The following SGCZ variants were observed in gnomAD, a reference collection of about 807,000 sequenced individuals.
SGCZ encodes zeta-sarcoglycan.
SGCZ carries 40 observed loss-of-function variants against 41.3 expected under a neutral mutation model. That is an observed-to-expected ratio of 0.97 (90% CI 0.75 to 1.26). SGCZ has a LOEUF of 1.26. Among genes scored for constraint, SGCZ ranks in the 50% most tolerant of loss-of-function variants. The pLI is 0.00. For missense variants in SGCZ, 552 were observed against 369.8 expected (o/e 1.49, Z -4.04); for synonymous variants, 206 against 137.5 (o/e 1.50, Z -3.49).
At chr8:14,771,347 A>G (rs1800229911) in intron 1 of SGCZ, among the ~76,000 whole-genome samples, 1 of 152,176 alleles carries the variant, frequency 6.6e-6, no homozygotes, top group Admixed American at 6.5e-5. Context: ...AAAATCACAT[A>G]GGATATTTGA....
intron 2 of SGCZ, among the ~76,000 whole-genome samples, chr8:14,520,018 A>T (rs940187304): frequency 3.9e-5 from 6 of 152,178 alleles, no homozygotes; most frequent in Admixed American, 6.6e-5. Flanking sequence ...ACTTTTTTTT[A>T]AAAATGATAT....
intron 1 of SGCZ, among the ~76,000 whole-genome samples, chr8:15,067,612 T>A (rs576033948): frequency 1.3e-5 from 2 of 151,512 alleles, no homozygotes; most frequent in East Asian, 3.9e-4. Flanking sequence ...AAACTTTTTA[T>A]ATTTGTACCA....
At chr8:14,097,002 A>G (rs1001793996) in intron 7 of SGCZ, among the ~76,000 whole-genome samples, 1 of 150,922 alleles carries the variant, frequency 6.6e-6, no homozygotes, top group Admixed American at 6.6e-5. Context: ...TTCCTTCTTT[A>G]TTAGTCTGGC....
rs530280809 is a variant in SGCZ, at chr8:15,098,137, G to C, written c.39+139448C>G. Among the ~76,000 whole-genome samples, 101 of 151,020 alleles carry C rather than the reference G, an allele frequency of 6.7e-4. 1 individual carries two copies. Among genetic ancestry groups the C allele is most frequent in the Non-Finnish European group, 1.6e-4 (11 of 67,806 alleles). On this transcript the variant is annotated intron_variant, in intron 1 of 7. Transcript: ENST00000382080. The stretch of plus-strand genomic sequence containing the variant: ...AGTAACAGCCCCACATTAAAAAGCA[G>C]AGCAGGAAAGGAGGTAAGAAAACAG...
chr8:14,613,447 T>G (rs1022225614), intron 1 of SGCZ, among the ~76,000 whole-genome samples: 3 of 152,162 alleles, frequency 2.0e-5, no homozygotes, highest in Non-Finnish European at 4.4e-5. Flanking sequence ...CATGCTCTTT[T>G]GGGACCATGA....
intron 1 of SGCZ, among the ~76,000 whole-genome samples, chr8:14,649,626 C>T (rs1331407204): frequency 1.3e-5 from 2 of 151,996 alleles, no homozygotes; most frequent in East Asian, 1.9e-4. Flanking sequence ...CTGTCGAAAG[C>T]TCAGCTCGTT....
chr8:14,745,693 CAT>C lies in SGCZ; in HGVS notation c.40-190769_40-190768del, dbSNP rs200418646. Among the ~76,000 whole-genome samples the C allele has an allele frequency of 5.5e-3, 829 of 151,266 alleles. 4 individuals are homozygous for C. Among genetic ancestry groups the C allele is most frequent in the Middle Eastern group, 0.014 (4 of 290 alleles). Reference sequence around the variant, plus strand: ...TATACGTATCTATATACATACATGCCATATATATATATGGTATGAAATTTAAC... The same window carrying C: ...TATACGTATCTATATACATACATGCCATATATATATGGTATGAAATTTAAC... On this transcript the variant is annotated intron_variant, in intron 1 of 7. Transcript: ENST00000382080.
intron 1 of SGCZ, among the ~76,000 whole-genome samples, chr8:14,994,410 C>A (rs1281598795): frequency 1.3e-5 from 2 of 152,092 alleles, no homozygotes; most frequent in African/African-American, 4.8e-5. Context: ...ACGGTGAAAC[C>A]CTGTCTCTAC....
At chr8:14,278,336 A>C (rs1800305691) in intron 3 of SGCZ, among the ~76,000 whole-genome samples, 1 of 152,144 alleles carries the variant, frequency 6.6e-6, no homozygotes, top group Non-Finnish European at 1.5e-5. Flanking sequence ...TCTGTATATT[A>C]TATAACATTT....
chr8:14,957,441 T>C (rs1800826397), intron 1 of SGCZ, among the ~76,000 whole-genome samples: 1 of 152,036 alleles, frequency 6.6e-6, no homozygotes, highest in Admixed American at 6.6e-5. Context: ...TTTCCATTCG[T>C]TGTCACTTGG....
chr8:14,112,449 C>T (rs1802405378), intron 5 of SGCZ, among the ~76,000 whole-genome samples: 1 of 151,938 alleles, frequency 6.6e-6, no homozygotes, highest in Admixed American at 6.6e-5. Flanking sequence ...TTTTCAGGTC[C>T]AGGGATATTT....
intron 2 of SGCZ, among the ~76,000 whole-genome samples, chr8:14,452,983 A>G (rs1301477925): frequency 6.6e-6 from 1 of 151,992 alleles, no homozygotes; most frequent in Non-Finnish European, 1.5e-5. Context: ...CACACCTGTA[A>G]TCCCAGCTAC....
At chr8:14,134,025 G>C (rs1205964971) in intron 5 of SGCZ, among the ~76,000 whole-genome samples, 4 of 152,116 alleles carry the variant, frequency 2.6e-5, no homozygotes, top group African/African-American at 9.7e-5. Context: ...ATATGCATCA[G>C]AATATGATAG....
At chr8:14,986,568 C>G (rs754060923) in intron 1 of SGCZ, among the ~76,000 whole-genome samples, 5 of 151,980 alleles carry the variant, frequency 3.3e-5, no homozygotes, top group Non-Finnish European at 7.4e-5. Flanking sequence ...AGGTAGAAAT[C>G]TGAAATAGTA....
At chr8:14,705,009 A>G (rs865928960) in intron 1 of SGCZ, among the ~76,000 whole-genome samples, 20 of 152,016 alleles carry the variant, frequency 1.3e-4, no homozygotes, top group African/African-American at 4.8e-4. Flanking sequence ...ATTAGAAAAT[A>G]TTGATATTAA....
chr8:14,813,341 T>A (rs768721923), intron 1 of SGCZ, among the ~76,000 whole-genome samples: 1 of 152,172 alleles, frequency 6.6e-6, no homozygotes, highest in African/African-American at 2.4e-5. Context: ...TAAATCTGAA[T>A]GTTAATTGAC....
intron 1 of SGCZ, among the ~76,000 whole-genome samples, chr8:14,707,039 TTTA>T (rs1216193191): frequency 6.6e-6 from 1 of 151,778 alleles, no homozygotes; most frequent in Admixed American, 6.6e-5. Context: ...TTTTTAAAAT[TTTA>T]TTATTATTAT....
intron 4 of SGCZ, among the ~76,000 whole-genome samples, chr8:14,231,265 G>A (rs145778543): frequency 2.6e-3 from 391 of 151,552 alleles, no homozygotes; most frequent in African/African-American, 9.2e-3. Flanking sequence ...GAGAGAGAGA[G>A]AGACAGAGAC....
chr8:14,991,175 G>A (rs1802002677), intron 1 of SGCZ, among the ~76,000 whole-genome samples: 1 of 152,106 alleles, frequency 6.6e-6, no homozygotes, highest in Non-Finnish European at 1.5e-5. Context: ...TCTTGTATGT[G>A]TATGATTTTC....
Sources: allele counts gnomAD v4.1 joint callset (sites outside exome capture counted in the v4.1 genomes callset), GRCh38; gene constraint gnomAD v4.1.1; transcripts MANE v1.5; gene names NCBI Gene and HGNC (gene_info 2026-07-23, HGNC 2026-07-21).